TWSG1: variants seen among roughly 807,000 people sequenced by gnomAD.
TWSG1 encodes the protein twisted gastrulation BMP signaling modulator 1.
In TWSG1, 15 loss-of-function variants were observed where a neutral mutation model predicts 23.0. That is an observed-to-expected ratio of 0.65 (90% CI 0.44 to 1.00). TWSG1 has a LOEUF of 1.00. Among genes scored for constraint, TWSG1 ranks in the 50% least tolerant of loss-of-function variants. TWSG1 has a pLI of 0.00. For missense variants in TWSG1, 242 were observed against 278.7 expected (o/e 0.87, Z 0.94); for synonymous variants, 86 against 92.8 (o/e 0.93, Z 0.42).
chr18:9,388,724 A>G (rs773362575), intron 3 of TWSG1, among the ~76,000 whole-genome samples: 6 of 152,098 alleles, frequency 3.9e-5, no homozygotes, highest in Non-Finnish European at 7.4e-5. Context: ...TCATTTATTT[A>G]TTTGTTTGTT....
intron 3 of TWSG1, among the ~76,000 whole-genome samples, chr18:9,384,771 G>A (rs113383791): frequency 0.042 from 6,339 of 151,118 alleles, 439 homozygotes; most frequent in African/African-American, 0.15. Context: ...TCAGCCTCCC[G>A]AGTAGCTGGG....
At chr18:9,353,507 A>G (rs889832081) in intron 2 of TWSG1, among the ~76,000 whole-genome samples, 1 of 152,226 alleles carries the variant, frequency 6.6e-6, no homozygotes, top group Non-Finnish European at 1.5e-5. Context: ...AGTAGCTCAA[A>G]TGTATAAATT....
chr18:9,389,479 T>TTGCC (rs2040701279), intron 3 of TWSG1, among the ~76,000 whole-genome samples: 1 of 152,202 alleles, frequency 6.6e-6, no homozygotes. Flanking sequence ...GACAAGTCAT[T>TTGCC]TGACTTATCT....
In TWSG1 at chr18:9,401,553, G is replaced by A. The variant is rs1466420104; in HGVS notation, c.*2026G>A. ...TTTCTTAAACCACATTGTTTTAATT[G>A]ATTTTTCTTATCTTGATTTCTTTCA... On this transcript the variant is annotated 3_prime_UTR_variant, in exon 5 of 5. Coordinates refer to ENST00000262120, the MANE Select transcript of TWSG1 (RefSeq NM_020648.6). 3 of 151,932 alleles carry A rather than the reference G, an allele frequency of 2.0e-5. No individual in the cohort carries two copies. Among genetic ancestry groups the A allele is most frequent in the African/African-American group, 7.3e-5 (3 of 41,350 alleles). 9.4% of individuals were successfully genotyped at this position (151,932 alleles called of 1,614,324 possible).
chr18:9,368,876 A>T (rs1333261136), intron 3 of TWSG1, among the ~76,000 whole-genome samples: 1 of 151,928 alleles, frequency 6.6e-6, no homozygotes, highest in Non-Finnish European at 1.5e-5. Flanking sequence ...TGAGCCTGGG[A>T]GGTGAAGTTT....
intron 2 of TWSG1, among the ~76,000 whole-genome samples, chr18:9,345,695 C>T (rs1219722932): frequency 6.6e-6 from 1 of 152,116 alleles, no homozygotes; most frequent in Non-Finnish European, 1.5e-5. Flanking sequence ...CTGAGTTCTC[C>T]AACTTTGTAC....
chr18:9,375,971 A>G (rs2040628593), intron 3 of TWSG1, among the ~76,000 whole-genome samples: 2 of 151,770 alleles, frequency 1.3e-5, no homozygotes, highest in South Asian at 2.1e-4. Flanking sequence ...GCTGGAGTAC[A>G]GTGGCCAATC....
intron 3 of TWSG1, among the ~76,000 whole-genome samples, chr18:9,367,101 T>C (rs1199577209): frequency 6.6e-6 from 1 of 152,072 alleles, no homozygotes; most frequent in Non-Finnish European, 1.5e-5. Context: ...CTCGCTAATT[T>C]TTAAATTTTT....
chr18:9,348,062 A>G lies in TWSG1; in HGVS notation c.123+10710A>G, dbSNP rs542432028. ...GCAATAAAACCTGGTTGGGAGATCC[A>G]TGTATTTAGATAGGACTTACAGACT... On this transcript the variant is annotated intron_variant, in intron 2 of 4. Coordinates refer to ENST00000262120, the MANE Select transcript of TWSG1 (RefSeq NM_020648.6). Among the ~76,000 whole-genome samples, 48 of 152,358 alleles carry G rather than the reference A, an allele frequency of 3.2e-4. 1 individual carries two copies. Among genetic ancestry groups the G allele is most frequent in the Admixed American group, 1.9e-3 (29 of 15,298 alleles).
chr18:9,382,378 C>T (rs1392309905), intron 3 of TWSG1, among the ~76,000 whole-genome samples: 2 of 151,976 alleles, frequency 1.3e-5, no homozygotes, highest in African/African-American at 4.8e-5. Flanking sequence ...CAAAAATTAG[C>T]TAGGTGTGGT....
At chr18:9,341,414 C>T (rs753665858) in intron 2 of TWSG1, among the ~76,000 whole-genome samples, 6 of 152,136 alleles carry the variant, frequency 3.9e-5, no homozygotes, top group Non-Finnish European at 5.9e-5. Context: ...AATTGAATCT[C>T]TTGATCTAAT....
At chr18:9,367,481 C>T (rs2040585326) in intron 3 of TWSG1, among the ~76,000 whole-genome samples, 1 of 152,060 alleles carries the variant, frequency 6.6e-6, no homozygotes, top group South Asian at 2.1e-4. Flanking sequence ...AACATGATGT[C>T]CTCCAGGTTC....
chr18:9,343,210 T>TTATATATA (rs6146209), intron 2 of TWSG1, among the ~76,000 whole-genome samples: 62 of 131,996 alleles, frequency 4.7e-4, no homozygotes, highest in African/African-American at 6.0e-4. Flanking sequence ...TTGTTTTTTG[T>TTATATATA]TATATATATA....
At chr18:9,336,581 T>C (rs938939385) in intron 1 of TWSG1, among the ~76,000 whole-genome samples, 1 of 152,136 alleles carries the variant, frequency 6.6e-6, no homozygotes, top group Non-Finnish European at 1.5e-5. Context: ...TAAAATTTTG[T>C]TTTGATTCTA....
chr18:9,381,066 A>G (rs56376849), intron 3 of TWSG1, among the ~76,000 whole-genome samples: 5,651 of 152,314 alleles, frequency 0.037, 160 homozygotes, highest in Middle Eastern at 0.13. Flanking sequence ...AAAAAACTAA[A>G]CACACCCTCT....
chr18:9,382,354 C>A (rs148151168), intron 3 of TWSG1, among the ~76,000 whole-genome samples: 11,467 of 152,096 alleles, frequency 0.075, 529 homozygotes, highest in Admixed American at 0.096. Context: ...GAAACCCTGT[C>A]TCTATTAAAA....
intron 3 of TWSG1, among the ~76,000 whole-genome samples, chr18:9,386,636 A>G (rs2040686261): frequency 6.6e-6 from 1 of 152,122 alleles, no homozygotes; most frequent in Non-Finnish European, 1.5e-5. Context: ...AAGAAAAATT[A>G]CCAAAGCTGA....
rs547503884 is a variant in TWSG1 at position 9,346,879 on chromosome 18, T to C, written c.123+9527T>C. On this transcript the variant is annotated intron_variant, in intron 2 of 4. Coordinates refer to ENST00000262120, the MANE Select transcript of TWSG1 (RefSeq NM_020648.6). ...TAATTGCTGCGTTGTAGGGTAGGAC[T>C]ATGTTTAGTTTTGTAAGAAATTGCC... Among the ~76,000 whole-genome samples, 15 of 152,216 alleles carry C rather than the reference T, an allele frequency of 9.9e-5. 2 individuals are homozygous for C. Among genetic ancestry groups the C allele is most frequent in the Non-Finnish European group, 2.1e-4 (14 of 68,036 alleles).
At chr18:9,389,587 G>GA (rs1338735824) in intron 3 of TWSG1, among the ~76,000 whole-genome samples, 1 of 152,280 alleles carries the variant, frequency 6.6e-6, no homozygotes, top group East Asian at 1.9e-4. Context: ...CAGCTGTATT[G>GA]AAAAATGTGA....
Sources: gnomAD v4.1 joint callset for allele counts (sites outside exome capture counted in the v4.1 genomes callset) on GRCh38, gnomAD v4.1.1 for gene constraint, MANE v1.5 for transcripts, NCBI Gene and HGNC (gene_info 2026-07-23, HGNC 2026-07-21) for gene names.